Variants in SCD5 observed in about 807,000 individuals in gnomAD.
The protein encoded by SCD5 is stearoyl-CoA desaturase 5, also known as acyl-CoA-desaturase 4.
In SCD5, 20 loss-of-function variants were observed where a neutral mutation model predicts 30.4. The ratio of observed to expected loss-of-function variants is 0.66; its 90% confidence interval spans 0.46 to 0.96. SCD5 has a LOEUF of 0.96. Among genes scored for constraint, SCD5 ranks in the 40% least tolerant of loss-of-function variants. The probability of loss-of-function intolerance (pLI) is 0.00; values close to 1 mark genes in which losing one functional copy is unlikely to be tolerated. For synonymous variants in SCD5, 173 were observed against 176.4 expected (o/e 0.98, Z 0.16); for missense variants, 381 against 443.3 (o/e 0.86, Z 1.26).
intron 1 of SCD5, among the ~76,000 whole-genome samples, chr4:82,789,573 T>TTA: frequency 6.6e-6 from 1 of 152,210 alleles, no homozygotes; most frequent in Non-Finnish European, 1.5e-5. Flanking sequence ...CCCTTAAGGC[T>TTA]CAGGCAACTG....
At chr4:82,694,581 A>G (rs367612168) in intron 2 of SCD5, among the ~76,000 whole-genome samples, 21 of 152,310 alleles carry the variant, frequency 1.4e-4, no homozygotes, top group East Asian at 5.8e-4. Flanking sequence ...CTCCAAATTA[A>G]AATGTCACCA....
At chr4:82,750,576 A>G (rs1721079882) in intron 1 of SCD5, among the ~76,000 whole-genome samples, 1 of 152,054 alleles carries the variant, frequency 6.6e-6, no homozygotes, top group Non-Finnish European at 1.5e-5. Flanking sequence ...GAAGCCATGG[A>G]GAGTCTTTTG....
chr4:82,630,489 A>T lies in SCD5; in HGVS notation c.*838T>A, dbSNP rs1357375923. Reference sequence around the variant, plus strand: ...AGCAATGATGGGTTAATTGGTAGAAAAGAAAACAAATGCTCTCCTGAACTA... The same window carrying T: ...AGCAATGATGGGTTAATTGGTAGAATAGAAAACAAATGCTCTCCTGAACTA... On this transcript the variant is annotated 3_prime_UTR_variant, in exon 5 of 5. Transcript: ENST00000319540. 6.6e-6 allele frequency: 1 copy of T among 152,216 alleles called. No homozygotes were observed. Among genetic ancestry groups the T allele is most frequent in the Non-Finnish European group, 1.5e-5 (1 of 68,040 alleles). The allele number at this position is 152,216 out of a possible 1,614,324, so 9.4% of individuals were successfully genotyped here.
At position 82,630,550 on chromosome 4, in the gene SCD5, G is replaced by T. The variant is rs566719462; in HGVS notation, c.*777C>A. Reference sequence around the variant, plus strand: ...ATATTACTTTCCTTCATCCTGTCAGGGTTAGCATCATGTTCAAGCACATGA... The same window carrying T: ...ATATTACTTTCCTTCATCCTGTCAGTGTTAGCATCATGTTCAAGCACATGA... On this transcript the variant is annotated 3_prime_UTR_variant, in exon 5 of 5. Coordinates refer to ENST00000319540, the MANE Select transcript of SCD5 (RefSeq NM_001037582.3). 6.6e-6 allele frequency: 1 copy of T among 152,170 alleles called. No individual in the cohort carries two copies. The highest frequency in any genetic ancestry group is 1.9e-4 in the East Asian group (1 of 5,198). The allele number at this position is 152,170 out of a possible 1,614,324, so 9.4% of individuals were successfully genotyped here.
In SCD5 at chr4:82,636,823, C is replaced by G. The variant is rs1011850309; in HGVS notation, c.570G>C (p.Lys190Asn). ...LADPVVRIQRKYYKISVVLMC... is the reference protein window; with the variant it reads ...LADPVVRIQRNYYKISVVLMC... ...TGAGCACCACGGAGATCTTATAGTA[C>G]CTACAGGGCAAGACACCATATCACC... The change falls in exon 4 of 5, where the codon AAG becomes AAC. Residue 190 changes from lysine (K) to asparagine (N), a missense_variant and splice_region_variant. Physicochemically the swap from Lys to Asn is moderately conservative, Grantham distance 94. Transcript: ENST00000319540. 1 of 1,607,742 alleles carries G rather than the reference C, an allele frequency of 6.2e-7. No homozygotes were observed. Among genetic ancestry groups the G allele is most frequent in the Non-Finnish European group, 8.5e-7 (1 of 1,176,646 alleles).
intron 1 of SCD5, chr4:82,753,506 C>G: frequency 2.2e-6 from 1 of 457,916 alleles, no homozygotes; most frequent in South Asian, 1.5e-5. Context: ...CCCACATCTG[C>G]CAGGAGTGTG....
intron 3 of SCD5, among the ~76,000 whole-genome samples, chr4:82,647,431 G>A (rs528369013): frequency 4.6e-5 from 7 of 152,304 alleles, no homozygotes; most frequent in Admixed American, 1.3e-4. Context: ...TTTAGCCACC[G>A]TCATGATCAA....
At chr4:82,727,969 A>G (rs892113863) in intron 1 of SCD5, among the ~76,000 whole-genome samples, 1 of 152,098 alleles carries the variant, frequency 6.6e-6, no homozygotes, top group African/African-American at 2.4e-5. Context: ...CGGCCCTCCC[A>G]AAGTGTTGGG....
chr4:82,758,393 A>G (rs922221943), intron 1 of SCD5, among the ~76,000 whole-genome samples: 9 of 152,124 alleles, frequency 5.9e-5, no homozygotes, highest in African/African-American at 2.2e-4. Flanking sequence ...TAGGAGTTCA[A>G]GGCTACAGTG....
chr4:82,736,987 A>T (rs745574349), intron 1 of SCD5, among the ~76,000 whole-genome samples: 7 of 152,138 alleles, frequency 4.6e-5, no homozygotes, highest in Admixed American at 1.3e-4. Flanking sequence ...TTAATTTTTT[A>T]AAATAATTTT....
intron 1 of SCD5, among the ~76,000 whole-genome samples, chr4:82,783,301 T>C (rs527627708): frequency 6.6e-6 from 1 of 152,258 alleles, no homozygotes; most frequent in Non-Finnish European, 1.5e-5. Context: ...CCATGGACAA[T>C]GTAGCCAGAA....
chr4:82,716,887 A>G (rs1410910696), intron 1 of SCD5, among the ~76,000 whole-genome samples: 2 of 151,864 alleles, frequency 1.3e-5, no homozygotes, highest in Non-Finnish European at 2.9e-5. Flanking sequence ...CTAAATATGT[A>G]CAGGCCCTTT....
intron 3 of SCD5, among the ~76,000 whole-genome samples, chr4:82,678,375 T>C (rs1728480877): frequency 6.6e-6 from 1 of 152,204 alleles, no homozygotes; most frequent in African/African-American, 2.4e-5. Context: ...CTACAACATT[T>C]TTTTATGAGA....
chr4:82,725,352 C>T lies in SCD5; in HGVS notation c.233-19939G>A, dbSNP rs555241367. Among the ~76,000 whole-genome samples the T allele has an allele frequency of 8.5e-4, 130 of 152,274 alleles. 1 individual carries two copies. The South Asian group carries it at 0.025, about 29-fold the overall frequency. On this transcript the variant is annotated intron_variant, in intron 1 of 4. Coordinates refer to ENST00000319540, the MANE Select transcript of SCD5 (RefSeq NM_001037582.3). ...AAGAAAGCTATCACTCTGTCACCAC[C>T]GTCCACGCTAACTTTCAGAGGGTAA... is the stretch of plus-strand genomic sequence containing the variant.
intron 1 of SCD5, among the ~76,000 whole-genome samples, chr4:82,730,799 T>C (rs1001669286): frequency 1.1e-4 from 17 of 152,214 alleles, no homozygotes; most frequent in Middle Eastern, 3.4e-3. Context: ...TTAGCCAAGA[T>C]GGTCTCGGTC....
intron 1 of SCD5, among the ~76,000 whole-genome samples, chr4:82,707,754 A>G (rs975351141): frequency 3.3e-5 from 5 of 152,208 alleles, no homozygotes; most frequent in Non-Finnish European, 7.3e-5. Context: ...CAACTACATG[A>G]GTGAGCTTGG....
chr4:82,668,327 G>C (rs1413472391), intron 3 of SCD5, among the ~76,000 whole-genome samples: 1 of 152,162 alleles, frequency 6.6e-6, no homozygotes, highest in African/African-American at 2.4e-5. Flanking sequence ...GATTGAATGG[G>C]GAGGAGCAAA....
Position 82,636,591 on chromosome 4 carries a change from C to T in SCD5, c.802G>A (p.Gly268Ser), listed in dbSNP as rs764056732. 1 of 1,612,636 alleles carries T rather than the reference C, an allele frequency of 6.2e-7. No homozygotes were observed. The highest frequency in any genetic ancestry group is 1.1e-5 in the South Asian group (1 of 90,838). Residue 268 changes from glycine to serine, a missense_variant and splice_region_variant, in exon 4 of 5, where the codon GGT becomes AGT. By Grantham distance (56) the Gly-to-Ser change is moderately conservative (BLOSUM62 0). Transcript: ENST00000319540. The part of the protein sequence containing the change: ...QNPLVALGAI[G>S]EGFHNYHHTF... ...ATTGGCCCTCAACACCCCTACTCACCAATGGCACCCAGAGCGACGAGTGGG... is the reference window on the plus strand; with the variant it reads ...ATTGGCCCTCAACACCCCTACTCACTAATGGCACCCAGAGCGACGAGTGGG...
intron 3 of SCD5, among the ~76,000 whole-genome samples, chr4:82,680,058 G>A (rs1332660218): frequency 6.6e-6 from 1 of 152,128 alleles, no homozygotes; most frequent in Non-Finnish European, 1.5e-5. Flanking sequence ...AACAAAGGTC[G>A]CTCTCTACTT....
Sources: gnomAD v4.1 joint callset for allele counts (sites outside exome capture counted in the v4.1 genomes callset) on GRCh38, gnomAD v4.1.1 for gene constraint, MANE v1.5 for transcripts, NCBI Gene and HGNC (gene_info 2026-07-23, HGNC 2026-07-21) for gene names.